The following ACCSL variants were observed in gnomAD, a reference collection of about 807,000 sequenced individuals.
ACCSL encodes probable inactive 1-aminocyclopropane-1-carboxylate synthase-like protein 2.
In ACCSL, 55 loss-of-function variants were observed where a neutral mutation model predicts 61.7. The observed-to-expected ratio is 0.89, with a 90% CI of 0.72 to 1.12. The LOEUF (loss-of-function observed/expected upper bound fraction) is 1.12. Ranked by LOEUF, ACCSL falls within the 50% of genes most tolerant of loss-of-function variation. ACCSL has a pLI of 0.00. For synonymous variants in ACCSL, 258 were observed against 264.3 expected (o/e 0.98, Z 0.23); for missense variants, 632 against 698.0 (o/e 0.91, Z 1.07).
chr11:44,006,420 G>A, the ACCSL span, among the ~76,000 whole-genome samples: 1 of 151,998 alleles, frequency 6.6e-6, no homozygotes, highest in Non-Finnish European at 1.5e-5. Flanking sequence ...GCTCCTTGCT[G>A]ACTGCGTGAC....
the ACCSL span, among the ~76,000 whole-genome samples, chr11:44,018,496 A>C: frequency 6.6e-6 from 1 of 152,176 alleles, no homozygotes; most frequent in East Asian, 1.9e-4. Flanking sequence ...GCCCAGGCTC[A>C]ACTTCCTCTT....
the ACCSL span, among the ~76,000 whole-genome samples, chr11:44,000,690 TC>T: frequency 7.0e-6 from 1 of 143,204 alleles, no homozygotes; most frequent in African/African-American, 2.6e-5. Flanking sequence ...ACCTCTGCAC[TC>T]CAGCCTGTGT....
chr11:43,925,027 C>G, the ACCSL span: 1 of 173,818 alleles, frequency 5.8e-6, no homozygotes, highest in South Asian at 1.4e-4. Context: ...CTCTTTCTCT[C>G]AGACTTTCAG....
At chr11:44,058,168 GGTTT>G (rs1952683017) in intron 11 of ACCSL, 145 bp from the exon 12 acceptor site, 18 of 985,344 alleles carry the variant, frequency 1.8e-5, no homozygotes, top group Non-Finnish European at 2.5e-5. Context: ...GGGAAACTCT[GGTTT>G]TTTTGTTTTT....
the ACCSL span, among the ~76,000 whole-genome samples, chr11:43,959,310 T>C: frequency 1.3e-5 from 2 of 152,148 alleles, no homozygotes; most frequent in Non-Finnish European, 2.9e-5. Flanking sequence ...TGGCCTGACG[T>C]TGACCAAGCA....
the ACCSL span, among the ~76,000 whole-genome samples, chr11:44,011,483 A>G: frequency 1.3e-5 from 2 of 152,182 alleles, no homozygotes; most frequent in African/African-American, 4.8e-5. Flanking sequence ...ATTTTGGCCA[A>G]TGCTTTGTAA....
At chr11:43,958,379 C>T in the ACCSL span, among the ~76,000 whole-genome samples, 6 of 152,296 alleles carry the variant, frequency 3.9e-5, no homozygotes, top group African/African-American at 1.2e-4. Context: ...AGAACAGCTT[C>T]GACTCCCTAT....
At chr11:43,996,142 T>C in the ACCSL span, among the ~76,000 whole-genome samples, 1 of 152,254 alleles carries the variant, frequency 6.6e-6, no homozygotes, top group South Asian at 2.1e-4. Flanking sequence ...CTCACAGCCC[T>C]CAGAAGGGAC....
At chr11:43,965,616 A>G in the ACCSL span, among the ~76,000 whole-genome samples, 2 of 152,232 alleles carry the variant, frequency 1.3e-5, no homozygotes, top group African/African-American at 2.4e-5. Flanking sequence ...AGCTGATCCT[A>G]TAATTCATGT....
At chr11:43,926,832 C>T in the ACCSL span, among the ~76,000 whole-genome samples, 4 of 152,178 alleles carry the variant, frequency 2.6e-5, no homozygotes, top group East Asian at 7.7e-4. Flanking sequence ...TCACTGCAGC[C>T]TTGACCTCCC....
the ACCSL span, among the ~76,000 whole-genome samples, chr11:43,980,794 T>A: frequency 6.6e-6 from 1 of 152,124 alleles, no homozygotes; most frequent in African/African-American, 2.4e-5. Flanking sequence ...TACTGTGAAA[T>A]TTGCTTTACA....
chr11:43,941,410 G>A, the ACCSL span, among the ~76,000 whole-genome samples: 1 of 152,208 alleles, frequency 6.6e-6, no homozygotes. Context: ...CAGTAAATCT[G>A]TGTTGAGTGG....
Position 44,058,467 on chromosome 11 carries a change from C to T in ACCSL, c.1470+8C>T, listed in dbSNP as rs1184143849. The T allele has an allele frequency of 6.2e-7, 1 of 1,614,144 alleles. No homozygotes were observed. Among genetic ancestry groups the T allele is most frequent in the East Asian group, 2.2e-5 (1 of 44,870 alleles). The stretch of plus-strand genomic sequence containing the variant: ...TGGATCAACTTGAAAAAGGTGTGTT[C>T]TGGGAATGAGGACAGGTGTTCTTGG... On this transcript the variant is annotated splice_region_variant and intron_variant, in intron 12 of 13. Coordinates refer to ENST00000378832, the MANE Select transcript of ACCSL (RefSeq NM_001031854.2).
chr11:43,978,453 A>G, the ACCSL span, among the ~76,000 whole-genome samples: 2 of 152,204 alleles, frequency 1.3e-5, 1 homozygote, highest in East Asian at 3.8e-4. Flanking sequence ...TAAATTTACA[A>G]TGATATATAA....
At chr11:43,970,506 TAATA>T in the ACCSL span, among the ~76,000 whole-genome samples, 1 of 152,232 alleles carries the variant, frequency 6.6e-6, no homozygotes, top group Admixed American at 6.5e-5. Context: ...GCCTAGCCTG[TAATA>T]AATATTCTGA....
the ACCSL span, among the ~76,000 whole-genome samples, chr11:43,960,795 G>C: frequency 1.4e-3 from 220 of 152,100 alleles, no homozygotes; most frequent in African/African-American, 5.2e-3. Context: ...TTTCTATTCT[G>C]ATCTAGTTTT....
At position 44,056,103 on chromosome 11, in the gene ACCSL, CT is replaced by C; in HGVS notation, c.1185+19del. The C allele has an allele frequency of 2.5e-6, 4 of 1,614,250 alleles. No individual in the cohort carries two copies. The highest frequency in any genetic ancestry group is 3.4e-6 in the Non-Finnish European group (4 of 1,180,044). ...CCAGTAAGGTGAGCCATTGCTTTCT[CT>C]CCTTGGCTAGGGAAGGAGGAGGAGC... is the stretch of plus-strand genomic sequence containing the variant. On this transcript the variant is annotated intron_variant, in intron 10 of 13. Coordinates refer to ENST00000378832, the MANE Select transcript of ACCSL (RefSeq NM_001031854.2).
intron 7 of ACCSL, 61 bp from the exon 8 acceptor site, chr11:44,053,345 C>G: frequency 6.5e-7 from 1 of 1,545,152 alleles, no homozygotes. Flanking sequence ...AGATCCTTGG[C>G]TGAATTTAGG....
chr11:44,008,061 C>G, the ACCSL span, among the ~76,000 whole-genome samples: 1 of 152,154 alleles, frequency 6.6e-6, no homozygotes, highest in Admixed American at 6.5e-5. Context: ...AGCTGATTCT[C>G]CAGTTCAATA....
Sources: gnomAD v4.1 joint callset for allele counts (sites outside exome capture counted in the v4.1 genomes callset) on GRCh38, gnomAD v4.1.1 for gene constraint, MANE v1.5 for transcripts, NCBI Gene and HGNC (gene_info 2026-07-23, HGNC 2026-07-21) for gene names.